Variants in ADAMTS6 observed in about 807,000 individuals in gnomAD.
ADAMTS6 encodes the protein A disintegrin and metalloproteinase with thrombospondin motifs 6.
Under a neutral mutation model 144.3 loss-of-function variants are expected in ADAMTS6, and 23 were observed. That is an observed-to-expected ratio of 0.16 (90% confidence interval 0.11 to 0.23). ADAMTS6 has a LOEUF of 0.23. ADAMTS6 is among the 10% of genes least tolerant of loss of function. The pLI, the probability that ADAMTS6 is intolerant of heterozygous loss-of-function variation, is 1.00. For synonymous variants in ADAMTS6, 444 were observed against 457.5 expected (o/e 0.97, Z 0.38); for missense variants, 999 against 1,379.6 (o/e 0.72, Z 4.37).
chr5:65,279,199 T>A (rs1762799713), intron 11 of ADAMTS6, among the ~76,000 whole-genome samples: 1 of 152,142 alleles, frequency 6.6e-6, no homozygotes, highest in Admixed American at 6.6e-5. Context: ...CCTGCCTTGG[T>A]CTCTCAAAGC....
chr5:65,355,050 T>C (rs75054447), intron 7 of ADAMTS6, among the ~76,000 whole-genome samples: 2,125 of 151,920 alleles, frequency 0.014, 33 homozygotes, highest in East Asian at 0.083. Context: ...TGAGTCCTGT[T>C]AAAAATAGTT....
intron 11 of ADAMTS6, among the ~76,000 whole-genome samples, chr5:65,280,418 C>T (rs1762899635): frequency 6.6e-6 from 1 of 152,134 alleles, no homozygotes; most frequent in African/African-American, 2.4e-5. Flanking sequence ...CAATAAAGAG[C>T]TTAGTGTTTT....
chr5:65,253,812 C>CTT (rs759508097), intron 14 of ADAMTS6, among the ~76,000 whole-genome samples: 2,142 of 67,028 alleles, frequency 0.032, 307 homozygotes, highest in Non-Finnish European at 0.044. Context: ...AATATTCAAT[C>CTT]TTTTTTTTTT....
intron 7 of ADAMTS6, among the ~76,000 whole-genome samples, chr5:65,352,141 C>T (rs1748909810): frequency 1.4e-5 from 2 of 145,840 alleles, no homozygotes; most frequent in Non-Finnish European, 3.1e-5. Context: ...TGATACTGCC[C>T]TCTACAAAGC....
intron 3 of ADAMTS6, among the ~76,000 whole-genome samples, chr5:65,466,302 GC>G (rs1271445582): frequency 2.0e-5 from 3 of 152,132 alleles, no homozygotes; most frequent in African/African-American, 7.2e-5. Context: ...TGACCTCCAT[GC>G]TGTTCCTCAA....
chr5:65,296,464 T>C (rs1742846987), intron 10 of ADAMTS6, among the ~76,000 whole-genome samples: 1 of 152,198 alleles, frequency 6.6e-6, no homozygotes, highest in Non-Finnish European at 1.5e-5. Flanking sequence ...TTATGACTTA[T>C]CAAAGTTATT....
At chr5:65,386,838 C>T (rs1752513547) in intron 7 of ADAMTS6, among the ~76,000 whole-genome samples, 2 of 152,178 alleles carry the variant, frequency 1.3e-5, no homozygotes, top group Non-Finnish European at 2.9e-5. Context: ...CCATTCGCCT[C>T]GGCCTCCCAA....
At chr5:65,277,346 T>C (rs1762621957) in intron 11 of ADAMTS6, among the ~76,000 whole-genome samples, 2 of 152,228 alleles carry the variant, frequency 1.3e-5, no homozygotes, top group South Asian at 2.1e-4. Context: ...TAGTCAGACA[T>C]GTAGCCCAAA....
At chr5:65,352,411 T>C (rs1444236881) in intron 7 of ADAMTS6, among the ~76,000 whole-genome samples, 1 of 152,112 alleles carries the variant, frequency 6.6e-6, no homozygotes, top group Non-Finnish European at 1.5e-5. Context: ...AGTAATGGTT[T>C]AAAAAATTAA....
intron 14 of ADAMTS6, among the ~76,000 whole-genome samples, chr5:65,256,865 C>T (rs1180024092): frequency 1.3e-5 from 2 of 151,820 alleles, no homozygotes; most frequent in Non-Finnish European, 2.9e-5. Context: ...TTCTTCTACC[C>T]TTATATAAAA....
intron 14 of ADAMTS6, among the ~76,000 whole-genome samples, chr5:65,244,512 C>T (rs1240060720): frequency 1.3e-5 from 2 of 151,982 alleles, no homozygotes; most frequent in South Asian, 2.1e-4. Context: ...CATTTTTGAT[C>T]CACTTTTTTC....
chr5:65,434,293 G>A (rs924257108), intron 7 of ADAMTS6, among the ~76,000 whole-genome samples: 1 of 152,146 alleles, frequency 6.6e-6, no homozygotes, highest in East Asian at 1.9e-4. Context: ...ATTTTGGGGT[G>A]AGGAAGATGT....
chr5:65,448,221 T>A (rs1400851646), intron 7 of ADAMTS6, among the ~76,000 whole-genome samples: 1 of 152,084 alleles, frequency 6.6e-6, no homozygotes, highest in Non-Finnish European at 1.5e-5. Flanking sequence ...TCCTTTATTT[T>A]CTTCCTGTCT....
At chr5:65,318,963 G>A (rs957765542) in intron 9 of ADAMTS6, among the ~76,000 whole-genome samples, 8 of 152,030 alleles carry the variant, frequency 5.3e-5, no homozygotes, top group African/African-American at 1.9e-4. Flanking sequence ...ATTACACATT[G>A]CACACCTGTA....
Position 65,398,836 on chromosome 5 carries a change from GAAAGAAAGAAAGAA to G in ADAMTS6, c.1073+52625_1073+52638del, listed in dbSNP as rs1186653439. Among the ~76,000 whole-genome samples, 375 of 131,552 alleles carry G rather than the reference GAAAGAAAGAAAGAA, an allele frequency of 2.9e-3. 2 individuals are homozygous for G. Among genetic ancestry groups the G allele is most frequent in the African/African-American group, 0.011 (336 of 31,812 alleles). The allele number at this position is 131,552 out of a possible 152,430, so 86.3% of individuals were successfully genotyped here. On this transcript the variant is annotated intron_variant, in intron 7 of 24. Transcript: ENST00000381055. Reference sequence around the variant, plus strand: ...AGAAAGAAAGAAAGAAAGAAAGAAAGAAAGAAAGAAAGAAAAAGAAAGAGAAAGAAAGAAAGAAA... The same window carrying G: ...AGAAAGAAAGAAAGAAAGAAAGAAAGAAAGAAAGAGAAAGAAAGAAAGAAA...
rs562709374 is a variant in ADAMTS6, at chr5:65,467,058, G to C, written c.462+3720C>G. On this transcript the variant is annotated intron_variant, in intron 3 of 24. Transcript: ENST00000381055. ...CCGTCTCAAAAAAAAAAAAAGGACA[G>C]AATGTAAGAAAATCCAAGAAAAAGA... 4.0e-5 allele frequency among the ~76,000 whole-genome samples: 6 copies of C among 150,376 alleles called. No individual in the cohort carries two copies. The East Asian group carries it at 1.2e-3, about 29-fold the overall frequency.
At chr5:65,319,178 T>C (rs1273246441) in intron 9 of ADAMTS6, among the ~76,000 whole-genome samples, 1 of 151,734 alleles carries the variant, frequency 6.6e-6, no homozygotes, top group Non-Finnish European at 1.5e-5. Flanking sequence ...TAACTGAAAA[T>C]AAAAATACAG....
At chr5:65,338,242 C>T (rs1404626973) in intron 7 of ADAMTS6, among the ~76,000 whole-genome samples, 3 of 152,300 alleles carry the variant, frequency 2.0e-5, no homozygotes, top group Admixed American at 1.3e-4. Flanking sequence ...GAAAGTTGGT[C>T]ATAGGGAATC....
At chr5:65,453,289 TTCAA>T (rs1280766967) in intron 4 of ADAMTS6, among the ~76,000 whole-genome samples, 1 of 152,194 alleles carries the variant, frequency 6.6e-6, no homozygotes. Flanking sequence ...GTATGAACTT[TTCAA>T]TCAGTCTAAG....
Sources: gnomAD v4.1 joint callset for allele counts (sites outside exome capture counted in the v4.1 genomes callset) on GRCh38, gnomAD v4.1.1 for gene constraint, MANE v1.5 for transcripts, NCBI Gene and HGNC (gene_info 2026-07-23, HGNC 2026-07-21) for gene names.